AGO1: variants seen among roughly 807,000 people sequenced by gnomAD.
AGO1 encodes protein argonaute-1.
A neutral mutation model predicts 109.2 loss-of-function variants in AGO1; 11 were observed. That is an observed-to-expected ratio of 0.10 (90% CI 0.06 to 0.17). The LOEUF is 0.17. Ranked by LOEUF, AGO1 falls within the 10% of genes least tolerant of loss-of-function variation. The pLI, the probability that AGO1 is intolerant of heterozygous loss-of-function variation, is 1.00. For synonymous variants in AGO1, 422 were observed against 418.6 expected, an observed-to-expected ratio of 1.01 and a Z score of -0.10; for missense variants, 574 against 1,140.3, an observed-to-expected ratio of 0.50 and a Z score of 7.15.
rs1042607221 is a variant in AGO1, at chr1:35,926,878, G to C, written c.*7271G>C. Reference sequence around the variant, plus strand: ...GTGGCTTACCCTGCAGGAACATACTGTGTCCTGTTGTTCTGGACTGTAGCA... The same window carrying C: ...GTGGCTTACCCTGCAGGAACATACTCTGTCCTGTTGTTCTGGACTGTAGCA... On this transcript the variant is annotated 3_prime_UTR_variant, in exon 19 of 19. Coordinates refer to ENST00000373204, the MANE Select transcript of AGO1 (RefSeq NM_012199.5). The C allele has an allele frequency of 2.0e-5, 3 of 151,030 alleles. No individual in the cohort carries two copies. The highest frequency in any genetic ancestry group is 4.4e-5 in the Non-Finnish European group (3 of 67,946). 9.4% of individuals were successfully genotyped at this position (151,030 alleles called of 1,614,324 possible). A position where few individuals can be genotyped will look rare whatever the true frequency, so the allele number is the denominator to read the frequency against.
intron 8 of AGO1, among the ~76,000 whole-genome samples, chr1:35,896,102 T>C (rs1270589616): frequency 2.6e-5 from 4 of 151,766 alleles, no homozygotes; most frequent in African/African-American, 9.7e-5. Context: ...CGGGTTCAAG[T>C]GATTCTCCTG....
rs1349816459 is a variant in AGO1 at position 35,928,386 on chromosome 1, T to A, written c.*8779T>A. The A allele has an allele frequency of 6.6e-6, 1 of 152,100 alleles. No homozygotes were observed. Among genetic ancestry groups the A allele is most frequent in the Non-Finnish European group, 1.5e-5 (1 of 68,058 alleles). 9.4% of individuals were successfully genotyped at this position (152,100 alleles called of 1,614,324 possible). ...GTTTCTGCCTCCTGGGCTCAAGCAA[T>A]CCTCCCACCTCAGCCTCCTGAGTAG... On this transcript the variant is annotated 3_prime_UTR_variant, in exon 19 of 19. Transcript: ENST00000373204.
intron 12 of AGO1, among the ~76,000 whole-genome samples, chr1:35,912,422 A>G (rs1390091254): frequency 6.6e-6 from 1 of 151,768 alleles, no homozygotes; most frequent in African/African-American, 2.4e-5. Context: ...ATTATCACAC[A>G]AATTTGCATC....
In AGO1 at chr1:35,924,250, G is replaced by GCTT. The variant is rs1645885688; in HGVS notation, c.*4644_*4645insTTC. 1 of 154,492 alleles carries GCTT rather than the reference G, an allele frequency of 6.5e-6. No individual in the cohort carries two copies. The highest frequency in any genetic ancestry group is 1.9e-4 in the East Asian group (1 of 5,234). The allele number at this position is 154,492 out of a possible 1,614,324, so 9.6% of individuals were successfully genotyped here. A position where few individuals can be genotyped will look rare whatever the true frequency, so the allele number is the denominator to read the frequency against. ...AGCAACATCAGCAGCAGCAGCAGCA[G>GCTT]CAGCACAATTCTGTGTTTTATAAAG... is the stretch of plus-strand genomic sequence containing the variant. On this transcript the variant is annotated 3_prime_UTR_variant, in exon 19 of 19. Transcript: ENST00000373204.
At chr1:35,871,780 T>A (rs544890549) in intron 1 of AGO1, among the ~76,000 whole-genome samples, 24 of 151,216 alleles carry the variant, frequency 1.6e-4, no homozygotes, top group East Asian at 4.0e-4. Flanking sequence ...AAAAAAAAAA[T>A]AATTGTTGCC....
chr1:35,908,329 A>G (rs1219449330), intron 12 of AGO1, among the ~76,000 whole-genome samples: 5 of 152,188 alleles, frequency 3.3e-5, no homozygotes, highest in Admixed American at 2.6e-4. Context: ...AATCCTTGGT[A>G]TTCTACAGGT....
At position 35,883,253 on chromosome 1, in the gene AGO1, C is replaced by CCG. The variant is rs1330829239; in HGVS notation, c.-166_-165dup. 1 of 1,344,332 alleles carries CCG rather than the reference C, an allele frequency of 7.4e-7. No homozygotes were observed. The highest frequency in any genetic ancestry group is 9.6e-7 in the Non-Finnish European group (1 of 1,046,942). 83.3% of individuals were successfully genotyped at this position (1,344,332 alleles called of 1,614,324 possible). On this transcript the variant is annotated 5_prime_UTR_variant, in exon 1 of 19. Coordinates refer to ENST00000373204, the MANE Select transcript of AGO1 (RefSeq NM_012199.5). This position sits in a 1 kb window ranked among gnomAD's most constrained non-coding sequence, Gnocchi z 5.4. The stretch of plus-strand genomic sequence containing the variant: ...CTCGCAGTGGGAGCTGCTGCAGGCT[C>CCG]CGCGGCGGCGGCAACGGAGGCTGCG...
In AGO1 at chr1:35,919,459, A is replaced by T; in HGVS notation, c.2466-40A>T. ...GGCGAGGGAATTAGCAGCAGCTCTC[A>T]GTTCACCAGGAAGGACTTCTTTCAT... On this transcript the variant is annotated intron_variant, in intron 18 of 18. Coordinates refer to ENST00000373204, the MANE Select transcript of AGO1 (RefSeq NM_012199.5). The surrounding 1 kb of genome is among the most constrained non-coding windows in gnomAD (Gnocchi z 6.6). 4.5e-6 allele frequency: 7 copies of T among 1,570,346 alleles called. No individual in the cohort carries two copies. The highest frequency in any genetic ancestry group is 6.1e-6 in the Non-Finnish European group (7 of 1,151,238).
intron 12 of AGO1, among the ~76,000 whole-genome samples, chr1:35,911,927 A>C (rs1645639967): frequency 6.6e-6 from 1 of 152,048 alleles, no homozygotes; most frequent in Non-Finnish European, 1.5e-5. Flanking sequence ...ACACTATCTT[A>C]GTCTTCCTTC....
chr1:35,872,859 G>A (rs1406674924), intron 1 of AGO1, among the ~76,000 whole-genome samples: 1 of 152,046 alleles, frequency 6.6e-6, no homozygotes, highest in Non-Finnish European at 1.5e-5. Flanking sequence ...AGGATTATAG[G>A]TGTGAGCCAC....
At chr1:35,894,512 G>T in intron 7 of AGO1, 110 bp downstream of exon 7, 3 of 1,077,516 alleles carry the variant, frequency 2.8e-6, no homozygotes, top group East Asian at 2.6e-5. Flanking sequence ...GAGCCTTGGG[G>T]ACTGGCCCTG....
At chr1:35,918,764 C>T (rs1645780569) in intron 17 of AGO1, among the ~76,000 whole-genome samples, 1 of 152,136 alleles carries the variant, frequency 6.6e-6, no homozygotes, top group African/African-American at 2.4e-5. Context: ...CCATTTTGGC[C>T]CTGCTGTTCT....
intron 8 of AGO1, among the ~76,000 whole-genome samples, chr1:35,897,436 G>A (rs1426732439): frequency 6.6e-6 from 1 of 152,202 alleles, no homozygotes; most frequent in Middle Eastern, 3.2e-3. Context: ...AGAATGTATT[G>A]TGTGAGGGGA....
chr1:35,911,732 T>C (rs1212730758), intron 12 of AGO1, among the ~76,000 whole-genome samples: 17 of 152,222 alleles, frequency 1.1e-4, no homozygotes, highest in Admixed American at 2.6e-4. Flanking sequence ...ATTTTCTTCC[T>C]GGTACCTTAA....
At chr1:35,882,725 G>A (rs1383810777), upstream of AGO1, 1 of 779,616 alleles carries the variant, frequency 1.3e-6, no homozygotes, top group Non-Finnish European at 1.6e-6. The surrounding 1 kb of genome is among the most constrained non-coding windows in gnomAD (Gnocchi z 5.1). Flanking sequence ...GCGTGGAAGA[G>A]GGGGTGGCGT....
rs1483043465 is a variant in AGO1, at chr1:35,901,395, A to G, written c.1021-79A>G. On this transcript the variant is annotated intron_variant, in intron 8 of 18. Transcript: ENST00000373204. This position sits in a 1 kb window ranked among gnomAD's most constrained non-coding sequence, Gnocchi z 4.8. ...CTTCCCCATGGCTGACAGCCAAGGT[A>G]TCTTTCCTTATTGTGGGGCTCTGGG... The G allele has an allele frequency of 1.9e-6, 3 of 1,583,774 alleles. No homozygotes were observed. In the African/African-American group the frequency reaches 4.1e-5, roughly 21 times the overall value.
chr1:35,885,457 G>C (rs1008691276), intron 1 of AGO1, among the ~76,000 whole-genome samples: 1 of 152,234 alleles, frequency 6.6e-6, no homozygotes, highest in Non-Finnish European at 1.5e-5. Context: ...GACAGGCTTT[G>C]CCTCAGTAAA....
chr1:35,898,843 A>T (rs1456652576), intron 8 of AGO1, among the ~76,000 whole-genome samples: 1 of 152,214 alleles, frequency 6.6e-6, no homozygotes, highest in Non-Finnish European at 1.5e-5. Flanking sequence ...TCATTTATTC[A>T]TGTTCAAATC....
At chr1:35,876,271 GTTTTTTT>G (rs547889113) in intron 1 of AGO1, among the ~76,000 whole-genome samples, 1 of 142,544 alleles carries the variant, frequency 7.0e-6, no homozygotes, top group Non-Finnish European at 1.5e-5. Flanking sequence ...TTTGTTTTTT[GTTTTTTT>G]TTTTTTGAGA....
Sources: allele counts gnomAD v4.1 joint callset (sites outside exome capture counted in the v4.1 genomes callset), GRCh38; gene constraint gnomAD v4.1.1; non-coding constraint Gnocchi (gnomAD v3.1); transcripts MANE v1.5; gene names NCBI Gene and HGNC (gene_info 2026-07-23, HGNC 2026-07-21).